Variants in RERG observed in about 807,000 individuals in gnomAD.
The protein encoded by RERG is ras-related and estrogen-regulated growth inhibitor.
Under a neutral mutation model 23.2 loss-of-function variants are expected in RERG, and 25 were observed. The observed-to-expected ratio is 1.08, with a 90% confidence interval of 0.79 to 1.50. RERG has a LOEUF of 1.50. Among genes scored for constraint, RERG ranks in the 40% most tolerant of loss-of-function variants. The pLI is 0.00. For synonymous variants in RERG, 81 were observed against 89.1 expected, an observed-to-expected ratio of 0.91 and a Z score of 0.51; for missense variants, 253 against 250.1, an observed-to-expected ratio of 1.01 and a Z score of -0.08.
At chr12:15,153,520 G>T (rs1351742147) in intron 2 of RERG, among the ~76,000 whole-genome samples, 1 of 152,078 alleles carries the variant, frequency 6.6e-6, no homozygotes, top group Non-Finnish European at 1.5e-5. Flanking sequence ...GTAAGATTCA[G>T]AAAAATACCA....
intron 2 of RERG, among the ~76,000 whole-genome samples, chr12:15,132,450 G>T (rs1212263698): frequency 2.0e-5 from 3 of 152,178 alleles, no homozygotes; most frequent in Non-Finnish European, 4.4e-5. Flanking sequence ...ACTAAATGAA[G>T]AACATCATGG....
chr12:15,193,046 AG>A (rs1865093638), intron 2 of RERG, among the ~76,000 whole-genome samples: 3 of 152,162 alleles, frequency 2.0e-5, no homozygotes, highest in Admixed American at 2.0e-4. Flanking sequence ...TATTTATTTA[AG>A]GGGAGAACTA....
chr12:15,133,973 A>C (rs1330588144), intron 2 of RERG, among the ~76,000 whole-genome samples: 6 of 151,630 alleles, frequency 4.0e-5, no homozygotes, highest in Admixed American at 3.3e-4. Flanking sequence ...TGAGTTTTAG[A>C]AGTTCTTTGC....
chr12:15,217,581 G>A lies in RERG; in HGVS notation c.-92C>T, dbSNP rs2136151768. The stretch of plus-strand genomic sequence containing the variant: ...GTCTTTGGATTCACCATATCATTGT[G>A]AATCTTGGAAGAGTCCACAATCCTT... On this transcript the variant is annotated 5_prime_UTR_variant, in exon 2 of 5. Coordinates refer to ENST00000256953, the MANE Select transcript of RERG (RefSeq NM_032918.3). 1.1e-6 allele frequency: 1 copy of A among 906,646 alleles called. No homozygotes were observed. The highest frequency in any genetic ancestry group is 1.8e-6 in the Non-Finnish European group (1 of 542,016). The allele number at this position is 906,646 out of a possible 1,614,324, so 56.2% of individuals were successfully genotyped here. A position where few individuals can be genotyped will look rare whatever the true frequency, so the allele number is the denominator to read the frequency against.
At chr12:15,197,205 C>T (rs751001565) in intron 2 of RERG, among the ~76,000 whole-genome samples, 7 of 152,098 alleles carry the variant, frequency 4.6e-5, no homozygotes, top group Non-Finnish European at 8.8e-5. Flanking sequence ...AGCAGAGAAG[C>T]CAAGATTTGA....
At chr12:15,163,933 G>A (rs753887166) in intron 2 of RERG, among the ~76,000 whole-genome samples, 5 of 152,292 alleles carry the variant, frequency 3.3e-5, no homozygotes, top group Non-Finnish European at 7.4e-5. Context: ...AGAGTGGAGA[G>A]AGGAGAGAGA....
chr12:15,187,732 T>C (rs1032954960), intron 2 of RERG, among the ~76,000 whole-genome samples: 2 of 152,094 alleles, frequency 1.3e-5, no homozygotes, highest in African/African-American at 4.8e-5. Context: ...CTATTTTTTG[T>C]ACTTTAAGTA....
intron 2 of RERG, among the ~76,000 whole-genome samples, chr12:15,177,872 T>C (rs1035115826): frequency 1.3e-5 from 2 of 149,940 alleles, no homozygotes; most frequent in Non-Finnish European, 3.0e-5. Context: ...CTGTATGACT[T>C]ATTAGATAAT....
intron 2 of RERG, among the ~76,000 whole-genome samples, chr12:15,152,758 C>CT (rs1864463899): frequency 6.6e-6 from 1 of 151,906 alleles, no homozygotes; most frequent in African/African-American, 2.4e-5. Flanking sequence ...TTTCATAGAA[C>CT]TTTTTTGGAT....
intron 2 of RERG, among the ~76,000 whole-genome samples, chr12:15,163,354 T>C (rs1864641269): frequency 1.3e-5 from 2 of 152,182 alleles, no homozygotes; most frequent in Admixed American, 6.5e-5. Flanking sequence ...CCTTGTTAAT[T>C]TTCCAATGAA....
chr12:15,131,593 T>C (rs186616124), intron 2 of RERG, among the ~76,000 whole-genome samples: 5 of 152,158 alleles, frequency 3.3e-5, no homozygotes, highest in Admixed American at 1.3e-4. Context: ...CCGAAAACAT[T>C]TGGACTTTAT....
intron 2 of RERG, among the ~76,000 whole-genome samples, chr12:15,151,453 T>G (rs537554805): frequency 3.9e-5 from 6 of 152,318 alleles, no homozygotes; most frequent in African/African-American, 1.4e-4. Flanking sequence ...TAATAAGTGG[T>G]AGAAACTGAT....
intron 3 of RERG, among the ~76,000 whole-genome samples, chr12:15,111,624 C>T (rs1339803191): frequency 6.6e-6 from 1 of 151,778 alleles, no homozygotes; most frequent in Non-Finnish European, 1.5e-5. Flanking sequence ...ACATGGGTGT[C>T]ACCGACTTTC....
At chr12:15,141,809 A>G (rs569107150) in intron 2 of RERG, among the ~76,000 whole-genome samples, 30 of 152,350 alleles carry the variant, frequency 2.0e-4, no homozygotes, top group African/African-American at 6.7e-4. Flanking sequence ...GTTCCAGCTT[A>G]CTGTTCCAGT....
intron 2 of RERG, among the ~76,000 whole-genome samples, chr12:15,198,204 A>G (rs1865170475): frequency 6.6e-6 from 1 of 152,088 alleles, no homozygotes; most frequent in African/African-American, 2.4e-5. Context: ...ACTTACTGTT[A>G]TGAGCTCCTC....
intron 2 of RERG, among the ~76,000 whole-genome samples, chr12:15,170,373 A>T (rs1315298666): frequency 6.6e-6 from 1 of 152,108 alleles, no homozygotes; most frequent in East Asian, 1.9e-4. Context: ...GACAGAGGGC[A>T]TATAGGAACT....
At chr12:15,144,123 T>C (rs4763417) in intron 2 of RERG, among the ~76,000 whole-genome samples, 100,820 of 151,902 alleles carry the variant, frequency 0.66, 33,579 homozygotes, top group Admixed American at 0.75. Flanking sequence ...CTCCAAGGTT[T>C]GTGGGCCAAG....
chr12:15,148,887 T>TTTTTG lies in RERG; in HGVS notation c.62-27769_62-27768insCAAAA, dbSNP rs1156302513. On this transcript the variant is annotated intron_variant, in intron 2 of 4. Transcript: ENST00000256953. ...TTTTTTTTTTTTTTTTTTTTTTTTT[T>TTTTTG]AGACAGAGTCTAGCTCTGTCACCCA... 1.6e-3 allele frequency among the ~76,000 whole-genome samples: 108 copies of TTTTTG among 69,498 alleles called. 37 individuals are homozygous for TTTTTG. Among genetic ancestry groups the TTTTTG allele is most frequent in the Non-Finnish European group, 2.4e-3 (79 of 32,656 alleles). 45.6% of individuals were successfully genotyped at this position (69,498 alleles called of 152,430 possible).
intron 3 of RERG, among the ~76,000 whole-genome samples, chr12:15,115,184 G>A (rs1267367791): frequency 6.6e-6 from 1 of 151,856 alleles, no homozygotes; most frequent in Non-Finnish European, 1.5e-5. Context: ...TATAATAATA[G>A]CTAGCGCATA....
Sources: gnomAD v4.1 joint callset for allele counts (sites outside exome capture counted in the v4.1 genomes callset) on GRCh38, gnomAD v4.1.1 for gene constraint, MANE v1.5 for transcripts, NCBI Gene and HGNC (gene_info 2026-07-23, HGNC 2026-07-21) for gene names.